GPR137C: variants seen among roughly 807,000 people sequenced by gnomAD.
GPR137C encodes G protein-coupled receptor 137C.
A neutral mutation model predicts 43.4 loss-of-function variants in GPR137C; 27 were observed. The ratio of observed to expected loss-of-function variants is 0.62; its 90% CI spans 0.46 to 0.86. The LOEUF (loss-of-function observed/expected upper bound fraction) is 0.86. Ranked by LOEUF, GPR137C falls within the 40% of genes least tolerant of loss-of-function variation. GPR137C has a pLI of 0.00. For synonymous variants in GPR137C, 285 were observed against 226.9 expected (o/e 1.26, Z -2.30); for missense variants, 522 against 534.6 (o/e 0.98, Z 0.23).
In GPR137C at chr14:52,635,928, G is replaced by A. The variant is rs2039348119; in HGVS notation, c.*813G>A. 2.0e-5 allele frequency: 3 copies of A among 152,074 alleles called. No homozygotes were observed. Among genetic ancestry groups the A allele is most frequent in the Admixed American group, 2.0e-4 (3 of 15,234 alleles). 9.4% of individuals were successfully genotyped at this position (152,074 alleles called of 1,614,324 possible). A position where few individuals can be genotyped will look rare whatever the true frequency, so the allele number is the denominator to read the frequency against. On this transcript the variant is annotated 3_prime_UTR_variant, in exon 7 of 7. Coordinates refer to ENST00000321662, the MANE Select transcript of GPR137C (RefSeq NM_001099652.2). ...GTAGAAACTTCTTGGGACTAAACAAGTTTAGAGATGCATTTAAGAATTATT... is the reference window on the plus strand; with the variant it reads ...GTAGAAACTTCTTGGGACTAAACAAATTTAGAGATGCATTTAAGAATTATT...
At chr14:52,577,799 CA>C (rs564080315) in intron 1 of GPR137C, among the ~76,000 whole-genome samples, 1,476 of 104,200 alleles carry the variant, frequency 0.014, 21 homozygotes, top group African/African-American at 0.046. Context: ...ACCATCTCTA[CA>C]AAAAAAAAAA....
rs543492395 is a variant in GPR137C, at chr14:52,561,472, A to G, written c.444+7881A>G. Among the ~76,000 whole-genome samples, 311 of 152,328 alleles carry G rather than the reference A, an allele frequency of 2.0e-3. 2 individuals are homozygous for G. The highest frequency in any genetic ancestry group is 7.2e-3 in the African/African-American group (301 of 41,592). The stretch of plus-strand genomic sequence containing the variant: ...AAAACTTATGGAGAAAAATCTAGCC[A>G]TTATAGATATTTACCCAAGAGAAAT... On this transcript the variant is annotated intron_variant, in intron 1 of 6. Transcript: ENST00000321662.
chr14:52,610,019 T>C (rs2039021918), intron 3 of GPR137C, among the ~76,000 whole-genome samples: 1 of 152,228 alleles, frequency 6.6e-6, no homozygotes, highest in African/African-American at 2.4e-5. Flanking sequence ...TTGTATTGTA[T>C]ATATTGTTCC....
At chr14:52,581,594 T>G (rs1395841694) in intron 1 of GPR137C, among the ~76,000 whole-genome samples, 1 of 151,982 alleles carries the variant, frequency 6.6e-6, no homozygotes, top group East Asian at 1.9e-4. Context: ...AATTTATGGC[T>G]AAAGTAGCTA....
intron 1 of GPR137C, among the ~76,000 whole-genome samples, chr14:52,588,375 C>G (rs182603999): frequency 1.5e-3 from 234 of 152,228 alleles, no homozygotes; most frequent in African/African-American, 5.4e-3. Flanking sequence ...GAACTCCTAA[C>G]CTCAGGTGAT....
Position 52,552,897 on chromosome 14 carries a change from G to GT in GPR137C, c.-245dup, listed in dbSNP as rs948192716. Among the ~76,000 whole-genome samples the GT allele has an allele frequency of 6.6e-6, 1 of 151,890 alleles. No individual in the cohort carries two copies. The highest frequency in any genetic ancestry group is 2.4e-5 in the African/African-American group (1 of 41,372). On this transcript the variant is annotated 5_prime_UTR_variant, in exon 1 of 7. Coordinates refer to ENST00000321662, the MANE Select transcript of GPR137C (RefSeq NM_001099652.2). ...AGCTGATTGTCTCCAGCCGAGAGTT[G>GT]TTTTTTGCAGCTACGGAGCCGAGCC...
intron 1 of GPR137C, among the ~76,000 whole-genome samples, chr14:52,575,947 C>T (rs544287107): frequency 6.6e-6 from 1 of 152,320 alleles, no homozygotes; most frequent in African/African-American, 2.4e-5. Flanking sequence ...TAGTCTCTCA[C>T]TAAGAAGTTC....
Position 52,635,206 on chromosome 14 carries a change from C to T in GPR137C, c.*91C>T, listed in dbSNP as rs2039339902. On this transcript the variant is annotated 3_prime_UTR_variant, in exon 7 of 7. Transcript: ENST00000321662. ...TCCATCTACATAAACATTCCATTATCTGTTGCAACTGAAAACAAAATCTGG... is the reference window on the plus strand; with the variant it reads ...TCCATCTACATAAACATTCCATTATTTGTTGCAACTGAAAACAAAATCTGG... 3 of 1,084,626 alleles carry T rather than the reference C, an allele frequency of 2.8e-6. No individual in the cohort carries two copies. The highest frequency in any genetic ancestry group is 3.8e-6 in the Non-Finnish European group (3 of 787,074). The allele number at this position is 1,084,626 out of a possible 1,614,324, so 67.2% of individuals were successfully genotyped here.
At chr14:52,610,062 A>T (rs2039022520) in intron 3 of GPR137C, among the ~76,000 whole-genome samples, 1 of 152,156 alleles carries the variant, frequency 6.6e-6, no homozygotes, top group Non-Finnish European at 1.5e-5. Flanking sequence ...ACAGGTACCT[A>T]TGTGATGGCT....
At chr14:52,603,544 T>C (rs1409539889) in intron 3 of GPR137C, among the ~76,000 whole-genome samples, 1 of 152,166 alleles carries the variant, frequency 6.6e-6, no homozygotes. Flanking sequence ...GGTTGTTTGT[T>C]TGTTTTTGAG....
chr14:52,598,257 A>G lies in GPR137C; in HGVS notation c.445-15A>G. 8.3e-6 allele frequency: 10 copies of G among 1,202,554 alleles called. No homozygotes were observed. The highest frequency in any genetic ancestry group is 1.1e-5 in the Non-Finnish European group (10 of 875,696). 74.5% of individuals were successfully genotyped at this position (1,202,554 alleles called of 1,614,324 possible). Reference sequence around the variant, plus strand: ...TACACGTTTTCAAAATTTTTTTTTTATATTCTCTTTATAGGTTATATGTAA... The same window carrying G: ...TACACGTTTTCAAAATTTTTTTTTTGTATTCTCTTTATAGGTTATATGTAA... On this transcript the variant is annotated splice_polypyrimidine_tract_variant and intron_variant, in intron 1 of 6. Transcript: ENST00000321662.
intron 1 of GPR137C, among the ~76,000 whole-genome samples, chr14:52,555,387 C>A (rs1173733277): frequency 1.3e-5 from 2 of 152,038 alleles, no homozygotes; most frequent in Non-Finnish European, 2.9e-5. Flanking sequence ...CCCATGTTAC[C>A]ACCACCCAGA....
chr14:52,593,129 A>G (rs553826059), intron 1 of GPR137C, among the ~76,000 whole-genome samples: 1 of 152,188 alleles, frequency 6.6e-6, no homozygotes, highest in African/African-American at 2.4e-5. Flanking sequence ...GTGATGGATT[A>G]TGTTTATTGA....
chr14:52,627,400 A>G (rs2039240426), intron 3 of GPR137C, among the ~76,000 whole-genome samples: 1 of 152,166 alleles, frequency 6.6e-6, no homozygotes, highest in African/African-American at 2.4e-5. Flanking sequence ...CTCAAAGATA[A>G]GTAAAAATTT....
intron 1 of GPR137C, among the ~76,000 whole-genome samples, chr14:52,563,773 A>T (rs1307710635): frequency 2.0e-5 from 3 of 152,170 alleles, no homozygotes; most frequent in African/African-American, 7.2e-5. Flanking sequence ...CTCATTACGC[A>T]CATTCACTGC....
chr14:52,596,646 C>T (rs900403465), intron 1 of GPR137C, among the ~76,000 whole-genome samples: 1 of 152,240 alleles, frequency 6.6e-6, no homozygotes, highest in Non-Finnish European at 1.5e-5. Context: ...AGGAGGGAAT[C>T]TCCTGGTCTG....
intron 3 of GPR137C, among the ~76,000 whole-genome samples, chr14:52,605,218 TC>T (rs1229723239): frequency 1.8e-4 from 27 of 152,024 alleles, no homozygotes; most frequent in African/African-American, 6.1e-4. Flanking sequence ...TTTTGTGTCC[TC>T]TTCAATTTCT....
chr14:52,577,592 G>A lies in GPR137C; in HGVS notation c.445-20680G>A, dbSNP rs183059710. Among the ~76,000 whole-genome samples, 1,197 of 147,400 alleles carry A rather than the reference G, an allele frequency of 8.1e-3. 15 individuals are homozygous for A. The highest frequency in any genetic ancestry group is 0.029 in the African/African-American group (1,142 of 40,050). ...TTGGCAAAGACAAACAAAATTGGTA[G>A]GCAAACAAAAGAAGAGAGAGGATTC... On this transcript the variant is annotated intron_variant, in intron 1 of 6. Coordinates refer to ENST00000321662, the MANE Select transcript of GPR137C (RefSeq NM_001099652.2).
intron 1 of GPR137C, among the ~76,000 whole-genome samples, chr14:52,582,312 T>G (rs966156544): frequency 3.9e-5 from 6 of 152,122 alleles, no homozygotes; most frequent in African/African-American, 1.4e-4. Flanking sequence ...ACTAATCACA[T>G]TGGGGGTTAG....
Sources: gnomAD v4.1 joint callset for allele counts (sites outside exome capture counted in the v4.1 genomes callset) on GRCh38, gnomAD v4.1.1 for gene constraint, MANE v1.5 for transcripts, NCBI Gene and HGNC (gene_info 2026-07-23, HGNC 2026-07-21) for gene names.